The following SYNDIG1 variants were observed in gnomAD, a reference collection of about 807,000 sequenced individuals.
SYNDIG1 encodes the protein synapse differentiation-inducing gene protein 1.
A neutral mutation model predicts 19.4 loss-of-function variants in SYNDIG1; 9 were observed. That is an observed-to-expected ratio of 0.46 (90% CI 0.28 to 0.81). The LOEUF is 0.81. Ranked by LOEUF, SYNDIG1 falls within the 30% of genes least tolerant of loss-of-function variation. SYNDIG1 has a pLI of 0.12. For synonymous variants in SYNDIG1, 141 were observed against 145.9 expected, an observed-to-expected ratio of 0.97 and a Z score of 0.24; for missense variants, 311 against 343.3, an observed-to-expected ratio of 0.91 and a Z score of 0.74.
intron 2 of SYNDIG1, among the ~76,000 whole-genome samples, chr20:24,556,960 G>C (rs904633823): frequency 6.6e-6 from 1 of 152,010 alleles, no homozygotes; most frequent in Admixed American, 6.5e-5. Context: ...ATGTAGATTT[G>C]GTCTTTTCAC....
chr20:24,490,786 T>C (rs2056124673), intron 1 of SYNDIG1, among the ~76,000 whole-genome samples: 1 of 152,120 alleles, frequency 6.6e-6, no homozygotes, highest in African/African-American at 2.4e-5. Context: ...GAAGCTCTGC[T>C]AGGAACCTGG....
chr20:24,534,799 A>G (rs563421670), intron 1 of SYNDIG1, among the ~76,000 whole-genome samples: 11 of 152,308 alleles, frequency 7.2e-5, no homozygotes, highest in Admixed American at 3.9e-4. Flanking sequence ...AGGTGGATGC[A>G]TGGAAGTACC....
chr20:24,620,627 C>G (rs1182313599), intron 3 of SYNDIG1, among the ~76,000 whole-genome samples: 1 of 152,138 alleles, frequency 6.6e-6, no homozygotes, highest in Non-Finnish European at 1.5e-5. Flanking sequence ...CTGTACTGGT[C>G]AAGGCATTCA....
chr20:24,651,679 A>G (rs563983110), intron 3 of SYNDIG1, among the ~76,000 whole-genome samples: 58 of 152,346 alleles, frequency 3.8e-4, no homozygotes, highest in African/African-American at 1.3e-3. Flanking sequence ...AAAGGTGACC[A>G]CGCATTTCTT....
chr20:24,630,691 G>T (rs1032982586), intron 3 of SYNDIG1, among the ~76,000 whole-genome samples: 1 of 152,232 alleles, frequency 6.6e-6, no homozygotes, highest in African/African-American at 2.4e-5. Context: ...GGTCCTGGGA[G>T]CCTCATGCTG....
chr20:24,501,333 G>A (rs1373889100), intron 1 of SYNDIG1, among the ~76,000 whole-genome samples: 4 of 152,202 alleles, frequency 2.6e-5, no homozygotes, highest in Non-Finnish European at 1.5e-5. Context: ...AGCATGCACA[G>A]GGCAGTAGCC....
chr20:24,571,504 CAA>C (rs886223816), intron 2 of SYNDIG1, among the ~76,000 whole-genome samples: 2 of 152,076 alleles, frequency 1.3e-5, no homozygotes, highest in Admixed American at 1.3e-4. Flanking sequence ...CACAATATTT[CAA>C]AGTGTATATA....
intron 3 of SYNDIG1, among the ~76,000 whole-genome samples, chr20:24,638,641 G>T (rs1166254259): frequency 6.6e-6 from 1 of 152,116 alleles, no homozygotes; most frequent in Non-Finnish European, 1.5e-5. Flanking sequence ...GGGATTACAT[G>T]AACCACCACA....
At chr20:24,506,183 G>A (rs1302335200) in intron 1 of SYNDIG1, among the ~76,000 whole-genome samples, 1 of 152,224 alleles carries the variant, frequency 6.6e-6, no homozygotes, top group African/African-American at 2.4e-5. Flanking sequence ...GAACTCAGCT[G>A]CAGCTGAGAA....
chr20:24,501,908 CT>C (rs1177014880), intron 1 of SYNDIG1, among the ~76,000 whole-genome samples: 1 of 152,188 alleles, frequency 6.6e-6, no homozygotes, highest in Non-Finnish European at 1.5e-5. Flanking sequence ...CACCTGTGGC[CT>C]TTTTCCTGGG....
chr20:24,528,862 G>A (rs117911543), intron 1 of SYNDIG1, among the ~76,000 whole-genome samples: 4,723 of 152,232 alleles, frequency 0.031, 116 homozygotes, highest in Admixed American at 0.093. Flanking sequence ...GAGGACATTT[G>A]CATTTGCTTC....
chr20:24,540,547 A>G (rs1209258127), intron 1 of SYNDIG1, among the ~76,000 whole-genome samples: 1 of 152,100 alleles, frequency 6.6e-6, no homozygotes, highest in East Asian at 1.9e-4. Flanking sequence ...ATTTCTTTCT[A>G]TTCCTAGTTT....
intron 1 of SYNDIG1, among the ~76,000 whole-genome samples, chr20:24,473,879 G>A (rs1351988251): frequency 6.6e-6 from 1 of 152,186 alleles, no homozygotes; most frequent in Non-Finnish European, 1.5e-5. Flanking sequence ...AAAGAATATG[G>A]TTGAAAAGAA....
chr20:24,568,848 A>G (rs1018399181), intron 2 of SYNDIG1, among the ~76,000 whole-genome samples: 1 of 152,190 alleles, frequency 6.6e-6, no homozygotes, highest in East Asian at 1.9e-4. Flanking sequence ...AAATGTGTTC[A>G]CCTGAACCGA....
At chr20:24,537,139 A>C (rs1488694306) in intron 1 of SYNDIG1, among the ~76,000 whole-genome samples, 1 of 151,970 alleles carries the variant, frequency 6.6e-6, no homozygotes, top group Non-Finnish European at 1.5e-5. Context: ...TCCTAACTTT[A>C]TCTCTCCAGC....
intron 1 of SYNDIG1, among the ~76,000 whole-genome samples, chr20:24,518,599 A>G (rs1358541791): frequency 2.0e-5 from 3 of 152,194 alleles, no homozygotes; most frequent in Non-Finnish European, 4.4e-5. Flanking sequence ...TTGTTTCAAA[A>G]CAAAGCTCAC....
chr20:24,663,105 T>C (rs2059618016), intron 3 of SYNDIG1, among the ~76,000 whole-genome samples: 1 of 152,182 alleles, frequency 6.6e-6, no homozygotes, highest in Non-Finnish European at 1.5e-5. Context: ...GTGTGTTTTG[T>C]GTATGTAAAT....
intron 2 of SYNDIG1, among the ~76,000 whole-genome samples, chr20:24,576,957 G>A (rs1003083690): frequency 2.0e-5 from 3 of 152,190 alleles, no homozygotes; most frequent in East Asian, 1.9e-4. Context: ...GTTTTAAAGT[G>A]GAGGGGTTTT....
At chr20:24,606,958 T>G (rs1415368556) in intron 3 of SYNDIG1, among the ~76,000 whole-genome samples, 1 of 152,114 alleles carries the variant, frequency 6.6e-6, no homozygotes, top group Non-Finnish European at 1.5e-5. Context: ...CAATAGGGAG[T>G]TTGAAATAAG....
Sources: allele counts gnomAD v4.1 joint callset (sites outside exome capture counted in the v4.1 genomes callset), GRCh38; gene constraint gnomAD v4.1.1; transcripts MANE v1.5; gene names NCBI Gene and HGNC (gene_info 2026-07-23, HGNC 2026-07-21).